Variants in BCAS3 observed in about 807,000 individuals in gnomAD.
BCAS3 encodes BCAS4/BCAS3 fusion.
Under a neutral mutation model 116.1 loss-of-function variants are expected in BCAS3, and 53 were observed. The ratio of observed to expected loss-of-function variants is 0.46; its 90% CI spans 0.37 to 0.57. The LOEUF (loss-of-function observed/expected upper bound fraction) is 0.57, where lower values mean the gene tolerates loss of function less well. BCAS3 is among the 20% of genes least tolerant of loss of function. BCAS3 has a pLI of 0.00. For synonymous variants in BCAS3, 391 were observed against 408.2 expected, an observed-to-expected ratio of 0.96 and a Z score of 0.51; for missense variants, 917 against 1,165.4, an observed-to-expected ratio of 0.79 and a Z score of 3.10.
At chr17:60,765,461 G>C (rs964827109) in intron 6 of BCAS3, among the ~76,000 whole-genome samples, 3 of 152,068 alleles carry the variant, frequency 2.0e-5, no homozygotes, top group African/African-American at 7.2e-5. Context: ...GCTTAGTTTG[G>C]CTGGATATGA....
At chr17:61,035,600 A>AG (rs2066960757) in intron 17 of BCAS3, among the ~76,000 whole-genome samples, 1 of 151,596 alleles carries the variant, frequency 6.6e-6, no homozygotes, top group Non-Finnish European at 1.5e-5. Flanking sequence ...AAAAAAAAAA[A>AG]AAGAGGAAAC....
rs1312045691 is a variant in BCAS3 at position 61,278,150 on chromosome 17, C to A, written c.2426-90177C>A. Among the ~76,000 whole-genome samples, 1 of 152,212 alleles carries A rather than the reference C, an allele frequency of 6.6e-6. No homozygotes were observed. The highest frequency in any genetic ancestry group is 1.5e-5 in the Non-Finnish European group (1 of 68,042). ...CTCCCGGGTCCTGATTCAAGCAATT[C>A]TCCTGCCTCAGCCTCCCGAGTAGCT... On this transcript the variant is annotated intron_variant, in intron 22 of 23. Coordinates refer to ENST00000407086, the MANE Select transcript of BCAS3 (RefSeq NM_017679.5). The surrounding 1 kb of genome is among the most constrained non-coding windows in gnomAD (Gnocchi z 5.8).
chr17:60,736,129 C>A (rs973939698), intron 5 of BCAS3, among the ~76,000 whole-genome samples: 1 of 152,124 alleles, frequency 6.6e-6, no homozygotes, highest in South Asian at 2.1e-4. Flanking sequence ...ACCTCAAACT[C>A]CTGGACTCAA....
Position 60,827,974 on chromosome 17 carries a change from A to C in BCAS3, c.476+19898A>C, listed in dbSNP as rs182574529. ...AGCTTTCCATCTAGAACCAGTTCAT[A>C]AAACAACTAAAAGGCTTGCAGTTTC... is the stretch of plus-strand genomic sequence containing the variant. On this transcript the variant is annotated intron_variant, in intron 7 of 23. Coordinates refer to ENST00000407086, the MANE Select transcript of BCAS3 (RefSeq NM_017679.5). 1.9e-3 allele frequency among the ~76,000 whole-genome samples: 286 copies of C among 152,324 alleles called. 1 individual carries two copies. The highest frequency in any genetic ancestry group is 3.0e-3 in the Admixed American group (46 of 15,290).
rs2053205830 is a variant in BCAS3, at chr17:60,851,916, A to T, written c.477-16660A>T. On this transcript the variant is annotated intron_variant, in intron 7 of 23. Coordinates refer to ENST00000407086, the MANE Select transcript of BCAS3 (RefSeq NM_017679.5). Reference sequence around the variant, plus strand: ...TTAAGTGTAAATGCTTTTTTTTAAGAGGTGAAATCATTTGCTGGTTGTTTA... The same window carrying T: ...TTAAGTGTAAATGCTTTTTTTTAAGTGGTGAAATCATTTGCTGGTTGTTTA... Among the ~76,000 whole-genome samples the T allele has an allele frequency of 2.6e-5, 4 of 152,098 alleles. No homozygotes were observed. The South Asian group carries it at 8.3e-4, about 32-fold the overall frequency.
At chr17:60,941,150 T>C (rs1356626339) in intron 13 of BCAS3, among the ~76,000 whole-genome samples, 1 of 152,184 alleles carries the variant, frequency 6.6e-6, no homozygotes, top group African/African-American at 2.4e-5. Context: ...GAGAGGAAGC[T>C]TCCAGATAAA....
At position 61,133,019 on chromosome 17, in the gene BCAS3, T is replaced by A. The variant is rs1347708112; in HGVS notation, c.2425+48455T>A. Among the ~76,000 whole-genome samples the A allele has an allele frequency of 2.0e-5, 3 of 152,234 alleles. No individual in the cohort carries two copies. The East Asian group carries it at 5.8e-4, about 29-fold the overall frequency. ...GATATCCAAGGCTAAAGGAAAATTT[T>A]AAATCTAATCCAATCAGATGAAGAA... On this transcript the variant is annotated intron_variant, in intron 22 of 23. Transcript: ENST00000407086.
chr17:60,970,555 A>G (rs1341178619), intron 14 of BCAS3, among the ~76,000 whole-genome samples: 5 of 152,216 alleles, frequency 3.3e-5, no homozygotes, highest in Non-Finnish European at 7.4e-5. Context: ...ATTAGTATCA[A>G]CTAAAATAGA....
In BCAS3 at chr17:61,104,905, G is replaced by C. The variant is rs2074545711; in HGVS notation, c.2425+20341G>C. Among the ~76,000 whole-genome samples the C allele has an allele frequency of 6.6e-6, 1 of 152,192 alleles. No homozygotes were observed. Among genetic ancestry groups the C allele is most frequent in the Non-Finnish European group, 1.5e-5 (1 of 68,048 alleles). ...AAAGATTTCCTGGTAGAAGTAAGTA[G>C]TGTCTTTTGCTAGTGTACCAGGTTG... On this transcript the variant is annotated intron_variant, in intron 22 of 23. Transcript: ENST00000407086. The surrounding 1 kb of genome is among the most constrained non-coding windows in gnomAD (Gnocchi z 4.1).
At chr17:60,768,130 G>T (rs1027071630) in intron 6 of BCAS3, among the ~76,000 whole-genome samples, 24 of 152,164 alleles carry the variant, frequency 1.6e-4, no homozygotes, top group African/African-American at 5.6e-4. Context: ...TTGATTTTAG[G>T]TGCATATATT....
At chr17:60,697,122 C>G (rs2035697523) in intron 4 of BCAS3, among the ~76,000 whole-genome samples, 1 of 151,926 alleles carries the variant, frequency 6.6e-6, no homozygotes, top group Non-Finnish European at 1.5e-5. Context: ...CCCAGGAGGT[C>G]GAGGCTTCAG....
rs1216152626 is a variant in BCAS3, at chr17:61,233,083, C to A, written c.2426-135244C>A. On this transcript the variant is annotated intron_variant, in intron 22 of 23. Transcript: ENST00000407086. This position sits in a 1 kb window ranked among gnomAD's most constrained non-coding sequence, Gnocchi z 4.3. ...GCTCTCTTGGGACTAACCTGTGTGA[C>A]TAATTTGAGTAGGAGGGTGATAAAC... Among the ~76,000 whole-genome samples the A allele has an allele frequency of 6.6e-6, 1 of 152,098 alleles. No homozygotes were observed. The highest frequency in any genetic ancestry group is 1.5e-5 in the Non-Finnish European group (1 of 68,036).
At chr17:60,684,658 G>T (rs2143818423) in intron 3 of BCAS3, among the ~76,000 whole-genome samples, 1 of 152,040 alleles carries the variant, frequency 6.6e-6, no homozygotes, top group South Asian at 2.1e-4. Flanking sequence ...AATTGATTTG[G>T]GATGGTAACT....
In BCAS3 at chr17:60,904,371, T is replaced by G. The variant is rs527961691; in HGVS notation, c.822+1668T>G. Among the ~76,000 whole-genome samples the G allele has an allele frequency of 1.1e-4, 17 of 152,080 alleles. No individual in the cohort carries two copies. In the South Asian group the frequency reaches 3.5e-3, roughly 32 times the overall value. On this transcript the variant is annotated intron_variant, in intron 11 of 23. Transcript: ENST00000407086. ...GTGAGCTGAGATCACGCCACTGTAC[T>G]CCAGCCTGGGCGACACAGCGAGACT... is the stretch of plus-strand genomic sequence containing the variant.
At chr17:61,345,051 C>T (rs898333012) in intron 22 of BCAS3, among the ~76,000 whole-genome samples, 1 of 152,206 alleles carries the variant, frequency 6.6e-6, no homozygotes, top group East Asian at 1.9e-4. Flanking sequence ...AGCTCGCCTG[C>T]TGTCATCATC....
chr17:60,904,720 C>T (rs2058098211), intron 11 of BCAS3, among the ~76,000 whole-genome samples: 1 of 152,132 alleles, frequency 6.6e-6, no homozygotes, highest in Admixed American at 6.6e-5. Flanking sequence ...GTTGTCCCAG[C>T]TACTCCAGAG....
chr17:61,046,716 A>T (rs563617965), intron 19 of BCAS3, among the ~76,000 whole-genome samples: 20 of 151,862 alleles, frequency 1.3e-4, no homozygotes, highest in African/African-American at 4.3e-4. Context: ...GGAACCAGGG[A>T]TATGGAAGGC....
At chr17:60,726,004 T>G (rs1214733198) in intron 5 of BCAS3, among the ~76,000 whole-genome samples, 2 of 152,124 alleles carry the variant, frequency 1.3e-5, no homozygotes, top group Non-Finnish European at 2.9e-5. Flanking sequence ...CAAGCGATTC[T>G]CCTGCCTCAG....
Position 60,700,202 on chromosome 17 carries a change from T to TA in BCAS3, c.215-9016dup, listed in dbSNP as rs142396808. Reference sequence around the variant, plus strand: ...AAAAAAAAAGAAGCAGTTCAACTCTTACGTGAAGTTTGGTGAGCAGTGGTG... The same window carrying TA: ...AAAAAAAAAGAAGCAGTTCAACTCTTAACGTGAAGTTTGGTGAGCAGTGGTG... On this transcript the variant is annotated intron_variant, in intron 4 of 23. Transcript: ENST00000407086. 8.8e-4 allele frequency among the ~76,000 whole-genome samples: 131 copies of TA among 148,692 alleles called. 1 individual carries two copies. Among genetic ancestry groups the TA allele is most frequent in the African/African-American group, 3.3e-3 (125 of 38,300 alleles).
Sources: gnomAD v4.1 joint callset for allele counts (sites outside exome capture counted in the v4.1 genomes callset) on GRCh38, gnomAD v4.1.1 for gene constraint, Gnocchi (gnomAD v3.1) non-coding constraint, MANE v1.5 for transcripts, NCBI Gene and HGNC (gene_info 2026-07-23, HGNC 2026-07-21) for gene names.